Variants in VSTM4 observed in about 807,000 individuals in gnomAD.
The protein encoded by VSTM4 is V-set and transmembrane domain-containing protein 4.
VSTM4 carries 20 observed loss-of-function variants against 36.4 expected under a neutral mutation model. The observed-to-expected ratio is 0.55, with a 90% CI of 0.39 to 0.80. VSTM4 has a LOEUF of 0.80. Ranked by LOEUF, VSTM4 falls within the 30% of genes least tolerant of loss-of-function variation. The probability of loss-of-function intolerance (pLI) is 0.00; values close to 1 mark genes in which losing one functional copy is unlikely to be tolerated. For synonymous variants in VSTM4, 182 were observed against 173.9 expected, an observed-to-expected ratio of 1.05 and a Z score of -0.37; for missense variants, 392 against 404.5, an observed-to-expected ratio of 0.97 and a Z score of 0.26.
chr10:49,056,378 T>C (rs1001609405), intron 5 of VSTM4, among the ~76,000 whole-genome samples: 2 of 152,248 alleles, frequency 1.3e-5, no homozygotes, highest in African/African-American at 2.4e-5. Context: ...CTAGTAATAA[T>C]GGCAGGGAGA....
At chr10:49,034,865 T>C (rs1460314679) in intron 7 of VSTM4, among the ~76,000 whole-genome samples, 2 of 152,172 alleles carry the variant, frequency 1.3e-5, no homozygotes, top group Non-Finnish European at 2.9e-5. Flanking sequence ...AAATAGGCTT[T>C]AAAAATGTGA....
At chr10:49,086,387 C>T (rs77007213) in intron 2 of VSTM4, among the ~76,000 whole-genome samples, 4,895 of 152,224 alleles carry the variant, frequency 0.032, 258 homozygotes, top group African/African-American at 0.11. Context: ...GTGTACTTGT[C>T]CCAGTATTCC....
intron 2 of VSTM4, among the ~76,000 whole-genome samples, chr10:49,101,574 A>T (rs1319638765): frequency 6.6e-6 from 1 of 152,262 alleles, no homozygotes. Context: ...TCCAATTGTG[A>T]TAAATAATGG....
chr10:49,105,139 CAG>C (rs1472456210), intron 2 of VSTM4, among the ~76,000 whole-genome samples: 2 of 119,866 alleles, frequency 1.7e-5, no homozygotes, highest in East Asian at 2.5e-4. Flanking sequence ...CAGAGAGAGA[CAG>C]AGAGAGACCA....
chr10:49,029,247 C>A (rs192557333), intron 7 of VSTM4, among the ~76,000 whole-genome samples: 2 of 152,114 alleles, frequency 1.3e-5, no homozygotes, highest in Non-Finnish European at 2.9e-5. Context: ...TGCTGATTGG[C>A]AAATTTATTT....
chr10:49,100,652 A>G (rs1451268091), intron 2 of VSTM4, among the ~76,000 whole-genome samples: 3 of 152,180 alleles, frequency 2.0e-5, no homozygotes, highest in Non-Finnish European at 4.4e-5. Flanking sequence ...AATCATAAAG[A>G]TGTCTAAGAT....
intron 7 of VSTM4, among the ~76,000 whole-genome samples, chr10:49,022,144 T>A (rs1843191494): frequency 6.6e-6 from 1 of 152,136 alleles, no homozygotes; most frequent in Non-Finnish European, 1.5e-5. Flanking sequence ...TAACAATGCA[T>A]TAATTAATTT....
At chr10:49,020,488 G>A (rs542694389) in intron 7 of VSTM4, among the ~76,000 whole-genome samples, 114 of 151,708 alleles carry the variant, frequency 7.5e-4, no homozygotes, top group Non-Finnish European at 1.2e-3. Flanking sequence ...AAGATAAAAA[G>A]GGAAAAAGCG....
At chr10:49,092,899 C>T (rs928573131) in intron 2 of VSTM4, among the ~76,000 whole-genome samples, 2 of 152,206 alleles carry the variant, frequency 1.3e-5, no homozygotes, top group East Asian at 3.9e-4. Flanking sequence ...GGCAGGACAT[C>T]GACCAGTGGG....
At chr10:49,076,857 T>TAAATGA (rs1435973696) in intron 4 of VSTM4, among the ~76,000 whole-genome samples, 4 of 152,254 alleles carry the variant, frequency 2.6e-5, no homozygotes, top group African/African-American at 2.4e-5. Context: ...TCTCCTTTCA[T>TAAATGA]AAATGAGGAA....
At chr10:49,037,389 C>G (rs1471903230) in intron 7 of VSTM4, among the ~76,000 whole-genome samples, 2 of 152,382 alleles carry the variant, frequency 1.3e-5, no homozygotes, top group African/African-American at 4.8e-5. Flanking sequence ...GCCGGAGATT[C>G]TACTTTTCCA....
At chr10:49,033,729 T>A (rs1843381591) in intron 7 of VSTM4, among the ~76,000 whole-genome samples, 1 of 152,176 alleles carries the variant, frequency 6.6e-6, no homozygotes, top group Non-Finnish European at 1.5e-5. Flanking sequence ...GACTTTGTAT[T>A]AGTATTTACC....
intron 1 of VSTM4, among the ~76,000 whole-genome samples, chr10:49,112,830 A>T (rs1250071610): frequency 6.6e-6 from 1 of 152,262 alleles, no homozygotes; most frequent in Non-Finnish European, 1.5e-5. Flanking sequence ...CCTGTGGATA[A>T]AAGTTAAGGT....
chr10:49,054,699 C>G (rs1252391349), intron 5 of VSTM4, among the ~76,000 whole-genome samples: 1 of 152,192 alleles, frequency 6.6e-6, no homozygotes, highest in Non-Finnish European at 1.5e-5. Flanking sequence ...AACTAAGAAG[C>G]ATGCACCCAG....
intron 7 of VSTM4, 28 bp from the exon 8 acceptor site, chr10:49,019,803 C>T (rs771948602): frequency 6.2e-7 from 1 of 1,602,534 alleles, no homozygotes; most frequent in South Asian, 1.1e-5. Context: ...AAACAAAACA[C>T]AATTCTAGCT....
At chr10:49,069,471 C>G (rs1364456829) in intron 4 of VSTM4, among the ~76,000 whole-genome samples, 1 of 152,230 alleles carries the variant, frequency 6.6e-6, no homozygotes. Flanking sequence ...TCCCCATCTC[C>G]TGCAGCCCAG....
At chr10:49,110,591 G>C (rs1340433484) in intron 1 of VSTM4, among the ~76,000 whole-genome samples, 2 of 152,036 alleles carry the variant, frequency 1.3e-5, no homozygotes, top group Non-Finnish European at 2.9e-5. Context: ...CTAAGAATGG[G>C]ACTGTATTTG....
At chr10:49,103,608 T>G in intron 2 of VSTM4, 1 of 1,467,600 alleles carries the variant, frequency 6.8e-7, no homozygotes, top group Non-Finnish European at 9.0e-7. Context: ...CTGGGAGTTA[T>G]TTTTTAAATA....
At chr10:49,103,708 G>C in intron 2 of VSTM4, 1 of 1,609,532 alleles carries the variant, frequency 6.2e-7, no homozygotes, top group Non-Finnish European at 8.5e-7. Flanking sequence ...CTTTCTGGGA[G>C]TTTCCAGTGA....
Sources: gnomAD v4.1 joint callset for allele counts (sites outside exome capture counted in the v4.1 genomes callset) on GRCh38, gnomAD v4.1.1 for gene constraint, MANE v1.5 for transcripts, NCBI Gene and HGNC (gene_info 2026-07-23, HGNC 2026-07-21) for gene names.